The following PLXNA1 variants were observed in gnomAD, a reference collection of about 807,000 sequenced individuals.
The protein encoded by PLXNA1 is plexin-A1.
In PLXNA1, 77 loss-of-function variants were observed where a neutral mutation model predicts 191.7. The observed-to-expected ratio is 0.40, with a 90% confidence interval of 0.33 to 0.49. The LOEUF (loss-of-function observed/expected upper bound fraction) is 0.49, where lower values mean the gene tolerates loss of function less well. PLXNA1 is among the 20% of genes least tolerant of loss of function. The pLI, the probability that PLXNA1 is intolerant of heterozygous loss-of-function variation, is 0.63. For synonymous variants in PLXNA1, 1,137 were observed against 1,156.4 expected (o/e 0.98, Z 0.34); for missense variants, 2,110 against 2,660.2 (o/e 0.79, Z 4.55).
intron 8 of PLXNA1, 100 bp from the exon 9 acceptor site, chr3:127,007,699 A>G: frequency 1.4e-6 from 1 of 715,110 alleles, no homozygotes; most frequent in Admixed American, 2.2e-5. Context: ...CTGAGGTGGC[A>G]CTATGAATAC....
At chr3:126,986,010 C>T (rs142391569) in intron 1 of PLXNA1, among the ~76,000 whole-genome samples, 7 of 152,226 alleles carry the variant, frequency 4.6e-5, no homozygotes, top group Non-Finnish European at 8.8e-5. Context: ...GAGTTTGGGG[C>T]GGTGGGCCCA....
intron 21 of PLXNA1, among the ~76,000 whole-genome samples, chr3:127,020,895 A>C (rs2107634812): frequency 6.6e-6 from 1 of 152,344 alleles, no homozygotes; most frequent in Non-Finnish European, 1.5e-5. Flanking sequence ...CCAGGGTCTC[A>C]GAGAGTAGGG....
intron 23 of PLXNA1, chr3:127,027,587 G>A: frequency 2.2e-6 from 1 of 446,322 alleles, no homozygotes; most frequent in Non-Finnish European, 4.4e-6. Flanking sequence ...AGCTAGGCGG[G>A]GATCCTGCTG....
intron 9 of PLXNA1, among the ~76,000 whole-genome samples, chr3:127,011,710 C>T (rs2079096471): frequency 6.6e-6 from 1 of 152,176 alleles, no homozygotes; most frequent in Non-Finnish European, 1.5e-5. Flanking sequence ...CTCCTTTGGT[C>T]TCTGGAATGG....
chr3:126,985,874 T>G (rs1042991755), intron 1 of PLXNA1, among the ~76,000 whole-genome samples: 1 of 152,168 alleles, frequency 6.6e-6, no homozygotes, highest in Non-Finnish European at 1.5e-5. Context: ...TCACTGGCCT[T>G]TATTAGATGC....
At chr3:127,032,920 C>T in intron 31 of PLXNA1, 84 bp downstream of exon 31, 2 of 1,421,876 alleles carry the variant, frequency 1.4e-6, no homozygotes, top group South Asian at 1.3e-5. Flanking sequence ...CGCCCTGCCA[C>T]TCCTCCCTGA....
At position 127,022,352 on chromosome 3, in the gene PLXNA1, G is replaced by C; in HGVS notation, c.4295+11G>C. The stretch of plus-strand genomic sequence containing the variant: ...GCTGCTACTGCGCCGGTGAGCCTGG[G>C]GGGCACTGGGGTTGGGGGAGGCAGG... On this transcript the variant is annotated intron_variant, in intron 22 of 31. Transcript: ENST00000393409. 6.2e-7 allele frequency: 1 copy of C among 1,603,294 alleles called. No individual in the cohort carries two copies. Among genetic ancestry groups the C allele is most frequent in the African/African-American group, 1.3e-5 (1 of 74,890 alleles).
chr3:127,018,932 A>G (rs920217834), intron 20 of PLXNA1, among the ~76,000 whole-genome samples: 1 of 152,098 alleles, frequency 6.6e-6, no homozygotes, highest in Non-Finnish European at 1.5e-5. Context: ...AGCAGCAGAG[A>G]GGGGTGCTTC....
rs139659121 is a variant in PLXNA1, at chr3:127,022,288, C to T, written c.4242C>T (p.Asp1414=). The change falls in exon 22 of 32, where the codon GAC becomes GAT. Residue 1414 remains aspartate, a synonymous_variant. Coordinates refer to ENST00000393409, the MANE Select transcript of PLXNA1 (RefSeq NM_032242.4). ...GCGTGCTCAAGCAGCTGCTTTCCGACCTCATCGAGAAGAACCTGGAGAGCA... is the reference window on the plus strand; with the variant it reads ...GCGTGCTCAAGCAGCTGCTTTCCGATCTCATCGAGAAGAACCTGGAGAGCA... The part of the protein sequence containing the change: ...ATGVLKQLLS[D]LIEKNLESKN... 37 of 1,613,194 alleles carry T rather than the reference C, an allele frequency of 2.3e-5. No homozygotes were observed. The East Asian group carries it at 6.5e-4, about 28-fold the overall frequency.
chr3:127,002,860 C>A (rs1395509920), intron 3 of PLXNA1, among the ~76,000 whole-genome samples: 2 of 152,190 alleles, frequency 1.3e-5, no homozygotes, highest in East Asian at 3.9e-4. Flanking sequence ...CCCTAGGACA[C>A]CCCATTCTGG....
intron 23 of PLXNA1, 35 bp from the exon 24 acceptor site, chr3:127,027,905 G>A (rs1326972406): frequency 6.2e-7 from 1 of 1,611,586 alleles, no homozygotes; most frequent in African/African-American, 1.3e-5. Flanking sequence ...AGGCCCGGGG[G>A]TCCTGGCTGC....
At chr3:126,987,932 G>A (rs557406835) in intron 1 of PLXNA1, among the ~76,000 whole-genome samples, 1 of 152,250 alleles carries the variant, frequency 6.6e-6, no homozygotes, top group African/African-American at 2.4e-5. Context: ...GTGTGGCCTG[G>A]GCCTCCATGT....
chr3:127,035,003 T>G lies in PLXNA1; in HGVS notation c.*986T>G, dbSNP rs2107640651. The G allele has an allele frequency of 6.5e-6, 1 of 152,696 alleles. No homozygotes were observed. The highest frequency in any genetic ancestry group is 1.9e-4 in the East Asian group (1 of 5,178). The allele number at this position is 152,696 out of a possible 1,614,324, so 9.5% of individuals were successfully genotyped here. On this transcript the variant is annotated 3_prime_UTR_variant, in exon 32 of 32. Transcript: ENST00000393409. The stretch of plus-strand genomic sequence containing the variant: ...GGCATCTCAGCAGTGTCCTGGCCCC[T>G]CCAGAGCAGTGGGACATCTGGGGAC...
In PLXNA1 at chr3:127,029,085, G is replaced by A. The variant is rs2079192545; in HGVS notation, c.4762G>A (p.Ala1588Thr). The A allele has an allele frequency of 6.2e-7, 1 of 1,613,486 alleles. No individual in the cohort carries two copies. The highest frequency in any genetic ancestry group is 8.5e-7 in the Non-Finnish European group (1 of 1,179,740). ...CGATTGGAAGAGGCTGAACACACTG[G>A]CTCACTACCAGGTGGCTCCCGGCCC... is the stretch of plus-strand genomic sequence containing the variant. ...DNDWKRLNTL[A>T]HYQVTDGSSV... The change falls in exon 26 of 32, where the codon GCT (alanine) becomes ACT (threonine). Residue 1588 changes from alanine (A) to threonine (T), a missense_variant. Ala to Thr is a moderately conservative substitution (Grantham distance 58). Coordinates refer to ENST00000393409, the MANE Select transcript of PLXNA1 (RefSeq NM_032242.4).
chr3:127,019,570 G>A (rs1359347412), intron 20 of PLXNA1, among the ~76,000 whole-genome samples: 2 of 152,170 alleles, frequency 1.3e-5, no homozygotes, highest in Admixed American at 1.3e-4. Flanking sequence ...CGATGCCCAG[G>A]AGACGAAGAC....
intron 20 of PLXNA1, among the ~76,000 whole-genome samples, chr3:127,019,561 G>A (rs1446971571): frequency 1.3e-5 from 2 of 152,218 alleles, no homozygotes; most frequent in East Asian, 1.9e-4. Context: ...GCCTGGCAGC[G>A]ATGCCCAGGA....
At chr3:127,010,098 C>G (rs1299340675) in intron 9 of PLXNA1, among the ~76,000 whole-genome samples, 1 of 152,172 alleles carries the variant, frequency 6.6e-6, no homozygotes, top group Non-Finnish European at 1.5e-5. Flanking sequence ...CAAAATGCAC[C>G]CTGTTAATCT....
chr3:126,996,914 A>G (rs2079017330), intron 3 of PLXNA1, among the ~76,000 whole-genome samples: 1 of 152,206 alleles, frequency 6.6e-6, no homozygotes, highest in Admixed American at 6.5e-5. Context: ...CGCCACATGG[A>G]AGTGACACAC....
At chr3:127,027,710 T>G in intron 23 of PLXNA1, 1 of 697,262 alleles carries the variant, frequency 1.4e-6, no homozygotes, top group Non-Finnish European at 2.6e-6. Context: ...ATGTGTAATT[T>G]AGGGTTTTCA....
Sources: gnomAD v4.1 joint callset for allele counts (sites outside exome capture counted in the v4.1 genomes callset) on GRCh38, gnomAD v4.1.1 for gene constraint, MANE v1.5 for transcripts, NCBI Gene and HGNC (gene_info 2026-07-23, HGNC 2026-07-21) for gene names.